PRRC2C: variants seen among roughly 807,000 people sequenced by gnomAD.
The protein encoded by PRRC2C is proline rich coiled-coil 2C.
PRRC2C carries 72 observed loss-of-function variants against 317.2 expected under a neutral mutation model. The ratio of observed to expected loss-of-function variants is 0.23; its 90% CI spans 0.19 to 0.28. PRRC2C has a LOEUF of 0.28. PRRC2C is among the 10% of genes least tolerant of loss of function. PRRC2C has a pLI of 1.00. For synonymous variants in PRRC2C, 1,296 were observed against 1,205.9 expected, an observed-to-expected ratio of 1.07 and a Z score of -1.55; for missense variants, 3,074 against 3,459.7, an observed-to-expected ratio of 0.89 and a Z score of 2.80.
intron 6 of PRRC2C, among the ~76,000 whole-genome samples, chr1:171,518,502 T>TCAATTTTTTTTCAATTTTTTTTTCAA (rs368649847): frequency 9.1e-6 from 1 of 109,606 alleles, no homozygotes; most frequent in Non-Finnish European, 2.0e-5. Context: ...CAATTTTTTT[T>TCAATTTTTTTTCAATTTTTTTTTCAA]TTTTTTTTTT....
chr1:171,538,173 G>A (rs1176834047), intron 15 of PRRC2C, among the ~76,000 whole-genome samples: 1 of 152,104 alleles, frequency 6.6e-6, no homozygotes, highest in Non-Finnish European at 1.5e-5. Flanking sequence ...ATGGGGTTTT[G>A]CCGTGTTGCC....
At chr1:171,538,476 T>C (rs1677279346) in intron 15 of PRRC2C, among the ~76,000 whole-genome samples, 1 of 152,238 alleles carries the variant, frequency 6.6e-6, no homozygotes. Context: ...TGGTGATGAC[T>C]GTAATAATTT....
chr1:171,546,162 T>A (rs1679087908), intron 17 of PRRC2C, among the ~76,000 whole-genome samples: 1 of 152,094 alleles, frequency 6.6e-6, no homozygotes, highest in Non-Finnish European at 1.5e-5. Flanking sequence ...TCACTGTGGA[T>A]AAATAGGAAA....
At position 171,532,423 on chromosome 1, in the gene PRRC2C, A is replaced by C. The variant is rs753212036; in HGVS notation, c.1335A>C (p.Glu445Asp). The stretch of plus-strand genomic sequence containing the variant: ...AGCAGCAAGTAGCTGATGAAGATGA[A>C]ATATGGAAGCAAAGACGAAGACAAC... ...PSKQQVADED[E>D]IWKQRRRQQS... The change falls in exon 12 of 35, where the codon GAA becomes GAC. Residue 445 changes from glutamate to aspartate, a missense_variant. Glu to Asp is a conservative substitution (Grantham distance 45). Around this residue, in one of 11 missense-constraint regions of PRRC2C, gnomAD observed 1,320 missense variants for 1,395.7 expected, o/e 0.95. Coordinates refer to ENST00000647382, the MANE Select transcript of PRRC2C (RefSeq NM_001387844.1). 17 of 1,613,976 alleles carry C rather than the reference A, an allele frequency of 1.1e-5. No individual in the cohort carries two copies. Among genetic ancestry groups the C allele is most frequent in the Non-Finnish European group, 1.4e-5 (17 of 1,179,886 alleles).
chr1:171,522,010 G>A (rs1338724452), intron 6 of PRRC2C, among the ~76,000 whole-genome samples, 167 bp from the exon 7 acceptor site: 1 of 152,060 alleles, frequency 6.6e-6, no homozygotes, highest in Non-Finnish European at 1.5e-5. Context: ...TTGGAAATGG[G>A]TTGCTATTGA....
chr1:171,509,677 C>CAT (rs1670935982), intron 1 of PRRC2C: 1 of 151,734 alleles, frequency 6.6e-6, no homozygotes, highest in African/African-American at 2.4e-5. Context: ...TAGGTCTTAA[C>CAT]ATTTTTGTAA....
At chr1:171,543,715 A>G (rs968404224) in intron 16 of PRRC2C, among the ~76,000 whole-genome samples, 1 of 152,230 alleles carries the variant, frequency 6.6e-6, no homozygotes. Flanking sequence ...CCCATAAGGT[A>G]TATTTGTCTA....
chr1:171,529,761 A>G (rs927197168), intron 11 of PRRC2C, among the ~76,000 whole-genome samples: 23 of 152,164 alleles, frequency 1.5e-4, no homozygotes. Context: ...AGTCCTTCTC[A>G]TGATCTTTCA....
rs767334325 is a variant in PRRC2C at position 171,589,433 on chromosome 1, C to A, written c.8264C>A (p.Ala2755Glu). The A allele has an allele frequency of 7.8e-7, 1 of 1,289,508 alleles. No homozygotes were observed. The highest frequency in any genetic ancestry group is 1.5e-5 in the African/African-American group (1 of 65,764). The allele number at this position is 1,289,508 out of a possible 1,614,324, so 79.9% of individuals were successfully genotyped here. A position where few individuals can be genotyped will look rare whatever the true frequency, so the allele number is the denominator to read the frequency against. Residue 2755 changes from alanine to glutamate, a missense_variant, in exon 34 of 35, where the codon GCG becomes GAG. This residue lies in a region of PRRC2C where 490 missense variants were observed against 663.1 expected (regional missense o/e 0.74). Transcript: ENST00000647382. The part of the protein sequence containing the change: ...VRAPHTNTFP[A>E]PVQRPPMALA... Reference sequence around the variant, plus strand: ...GCCCCACATACTAACACCTTCCCAGCGCCTGTTCAGAGGCCACCAATGGCA... The same window carrying A: ...GCCCCACATACTAACACCTTCCCAGAGCCTGTTCAGAGGCCACCAATGGCA...
rs920546042 is a variant in PRRC2C, at chr1:171,540,776, G to A, written c.3310G>A (p.Asp1104Asn). 5.0e-6 allele frequency: 8 copies of A among 1,613,830 alleles called. No homozygotes were observed. Among genetic ancestry groups the A allele is most frequent in the Non-Finnish European group, 5.1e-6 (6 of 1,179,770 alleles). ...TATLAQKPSQ[D>N]TEKPLEPVST... is the part of the protein sequence containing the mutation. ...AACTTTGGCTCAAAAACCATCTCAG[G>A]ATACTGAGAAGCCTCTGGAACCTGT... Residue 1104 changes from aspartate to asparagine, a missense_variant, in exon 16 of 35, where the codon GAT becomes AAT. Asp to Asn is a conservative substitution (Grantham distance 23). Around this residue, in one of 11 missense-constraint regions of PRRC2C, gnomAD observed 1,320 missense variants for 1,395.7 expected, o/e 0.95. Transcript: ENST00000647382.
chr1:171,586,797 A>G (rs1650137861), intron 30 of PRRC2C, among the ~76,000 whole-genome samples: 1 of 151,544 alleles, frequency 6.6e-6, no homozygotes, highest in East Asian at 2.0e-4. Context: ...CATGTTGGCC[A>G]GGATGGTCTC....
In PRRC2C at chr1:171,592,089, C is replaced by G; in HGVS notation, c.*242C>G. The G allele has an allele frequency of 2.5e-6, 1 of 401,912 alleles. No homozygotes were observed. Among genetic ancestry groups the G allele is most frequent in the Non-Finnish European group, 4.4e-6 (1 of 227,714 alleles). 24.9% of individuals were successfully genotyped at this position (401,912 alleles called of 1,614,324 possible). ...TGCTTGGTTGATGGCCATGCATCTTCAGTCAGAATTTATATATAAATGTAT... is the reference window on the plus strand; with the variant it reads ...TGCTTGGTTGATGGCCATGCATCTTGAGTCAGAATTTATATATAAATGTAT... On this transcript the variant is annotated 3_prime_UTR_variant, in exon 35 of 35. Transcript: ENST00000647382.
At chr1:171,543,379 TGTTAGC>T (rs1678393538) in intron 16 of PRRC2C, among the ~76,000 whole-genome samples, 1 of 151,970 alleles carries the variant, frequency 6.6e-6, no homozygotes, top group Admixed American at 6.5e-5. Context: ...ATTTATTTAG[TGTTAGC>T]ATTATAACGT....
In PRRC2C at chr1:171,541,431, A is replaced by C; in HGVS notation, c.3965A>C (p.Lys1322Thr). 6.2e-7 allele frequency: 1 copy of C among 1,613,928 alleles called. No homozygotes were observed. The highest frequency in any genetic ancestry group is 1.3e-5 in the African/African-American group (1 of 75,034). ...CGAATAGATAATAGACTGCTAGAAA[A>C]GCCTTATGTAAGGGATGACGATAAA... ...HVRIDNRLLE[K>T]PYVRDDDKAK... Residue 1322 changes from lysine to threonine, a missense_variant, in exon 16 of 35, where the codon AAG becomes ACG. Around this residue, in one of 11 missense-constraint regions of PRRC2C, gnomAD observed 1,320 missense variants for 1,395.7 expected, o/e 0.95. Coordinates refer to ENST00000647382, the MANE Select transcript of PRRC2C (RefSeq NM_001387844.1). The surrounding 1 kb of genome is among the most constrained non-coding windows in gnomAD (Gnocchi z 4.1).
In PRRC2C at chr1:171,588,417, T is replaced by G; in HGVS notation, c.8111T>G (p.Met2704Arg). 1 of 1,613,616 alleles carries G rather than the reference T, an allele frequency of 6.2e-7. No homozygotes were observed. Among genetic ancestry groups the G allele is most frequent in the South Asian group, 1.1e-5 (1 of 91,004 alleles). ...STSPNSQSSK[M>R]NSIVYQKQFQ... The stretch of plus-strand genomic sequence containing the variant: ...AGTCCGAACAGCCAGTCCAGCAAAA[T>G]GAACAGCATTGTCTACCAGAAGCAG... Residue 2704 changes from methionine (M) to arginine (R), a missense_variant, in exon 33 of 35, where the codon ATG becomes AGG. Coordinates refer to ENST00000647382, the MANE Select transcript of PRRC2C (RefSeq NM_001387844.1).
In PRRC2C at chr1:171,560,983, T is replaced by C. The variant is rs901963331; in HGVS notation, c.6032-35T>C. On this transcript the variant is annotated intron_variant, in intron 19 of 34. Transcript: ENST00000647382. The stretch of plus-strand genomic sequence containing the variant: ...GGGTTAGAGATTATTAGACTCTAAA[T>C]CTTAATCATGTTTTTTATGGCTTCT... 5 of 1,502,086 alleles carry C rather than the reference T, an allele frequency of 3.3e-6. No individual in the cohort carries two copies. The African/African-American group carries it at 5.5e-5, about 17-fold the overall frequency. The allele number at this position is 1,502,086 out of a possible 1,614,324, so 93.0% of individuals were successfully genotyped here.
intron 10 of PRRC2C, among the ~76,000 whole-genome samples, chr1:171,526,420 C>T (rs1180106797): frequency 6.6e-6 from 1 of 152,184 alleles, no homozygotes; most frequent in Admixed American, 6.5e-5. Context: ...TCACTGCAAC[C>T]TCCACCTCCT....
intron 1 of PRRC2C, among the ~76,000 whole-genome samples, chr1:171,494,557 A>C (rs2102062543): frequency 6.6e-6 from 1 of 152,274 alleles, no homozygotes; most frequent in South Asian, 2.1e-4. Context: ...CTTCTTACTC[A>C]AAGCAAGAAT....
intron 11 of PRRC2C, among the ~76,000 whole-genome samples, chr1:171,528,453 T>C (rs1383267381): frequency 6.6e-6 from 1 of 151,824 alleles, no homozygotes; most frequent in African/African-American, 2.4e-5. Context: ...CACGCCCGGC[T>C]AATTTTTTGT....
Sources: gnomAD v4.1 joint callset for allele counts (sites outside exome capture counted in the v4.1 genomes callset) on GRCh38, gnomAD v4.1.1 for gene constraint, gnomAD v4.1.1 regional missense constraint, Gnocchi (gnomAD v3.1) non-coding constraint, MANE v1.5 for transcripts, NCBI Gene and HGNC (gene_info 2026-07-23, HGNC 2026-07-21) for gene names.